Variants in PLS1 observed in about 807,000 individuals in gnomAD.
The protein encoded by PLS1 is plastin-1.
PLS1 carries 32 observed loss-of-function variants against 73.7 expected under a neutral mutation model. The observed-to-expected ratio is 0.43, with a 90% CI of 0.33 to 0.58. PLS1 has a LOEUF of 0.58. PLS1 is among the 20% of genes least tolerant of loss of function. The pLI, the probability that PLS1 is intolerant of heterozygous loss-of-function variation, is 0.04. For missense variants in PLS1, 633 were observed against 740.5 expected, an observed-to-expected ratio of 0.85 and a Z score of 1.68; for synonymous variants, 217 against 261.3, an observed-to-expected ratio of 0.83 and a Z score of 1.63.
At chr3:142,628,347 ACATGTGCATGCAGTGTGCATGTGTGCG>A (rs2036476720) in intron 1 of PLS1, among the ~76,000 whole-genome samples, 3 of 28,506 alleles carry the variant, frequency 1.1e-4, no homozygotes, top group African/African-American at 8.7e-4. Context: ...GTGTGCGCGC[ACATGTGCATGCAGTGTGCATGTGTGCG>A]CGCACATGTG....
chr3:142,624,673 A>G (rs1216521607), intron 1 of PLS1, among the ~76,000 whole-genome samples: 3 of 152,268 alleles, frequency 2.0e-5, no homozygotes, highest in African/African-American at 7.2e-5. Context: ...TAAGTAGAGA[A>G]TTAAGACTTG....
chr3:142,673,679 A>C (rs7641893), intron 4 of PLS1: 1 of 152,476 alleles, frequency 6.6e-6, no homozygotes, highest in Non-Finnish European at 1.5e-5. Flanking sequence ...CTGGCTAGGC[A>C]GGTGTCCCCT....
chr3:142,627,344 G>T (rs903640113), intron 1 of PLS1, among the ~76,000 whole-genome samples: 1 of 152,076 alleles, frequency 6.6e-6, no homozygotes, highest in Non-Finnish European at 1.5e-5. Flanking sequence ...GGAAGTTTCT[G>T]TAAGGAATAA....
chr3:142,632,378 A>G (rs985051466), intron 1 of PLS1, among the ~76,000 whole-genome samples: 2 of 152,200 alleles, frequency 1.3e-5, no homozygotes, highest in African/African-American at 4.8e-5. Context: ...ATAATGACAT[A>G]TCACCTTATG....
In PLS1 at chr3:142,689,663, G is replaced by T. The variant is rs1208828928; in HGVS notation, c.1027G>T (p.Asp343Tyr). 1 of 1,610,778 alleles carries T rather than the reference G, an allele frequency of 6.2e-7. No individual in the cohort carries two copies. Among genetic ancestry groups the T allele is most frequent in the African/African-American group, 1.3e-5 (1 of 74,654 alleles). The change falls in exon 10 of 16, where the codon GAT becomes TAT. Residue 343 changes from aspartate to tyrosine, a missense_variant. By Grantham distance (160) the Asp-to-Tyr change is radical. Coordinates refer to ENST00000457734, the MANE Select transcript of PLS1 (RefSeq NM_001145319.2). ...KRAGLMLQEA[D>Y]KLGCKQFVTP... ...TGCTGGACTCATGCTTCAAGAAGCA[G>T]ATAAACTGGGCTGCAAACAGTTTGT...
At chr3:142,671,234 C>A in intron 4 of PLS1, 112 bp downstream of exon 4, 1 of 922,100 alleles carries the variant, frequency 1.1e-6, no homozygotes, top group Non-Finnish European at 1.7e-6. Context: ...ATTTTATGTG[C>A]CACTGAGGAG....
chr3:142,668,856 C>A (rs570048015), intron 2 of PLS1, among the ~76,000 whole-genome samples: 1 of 152,092 alleles, frequency 6.6e-6, no homozygotes, highest in Non-Finnish European at 1.5e-5. Context: ...CCTACCTCGG[C>A]CTCCCAAAGT....
intron 1 of PLS1, among the ~76,000 whole-genome samples, chr3:142,648,069 T>C (rs2108629956): frequency 6.6e-6 from 1 of 152,314 alleles, no homozygotes; most frequent in East Asian, 1.9e-4. Context: ...TTGAGTCAGG[T>C]CTGTGTGTGA....
At chr3:142,684,581 G>T (rs1014571722) in intron 8 of PLS1, among the ~76,000 whole-genome samples, 186 bp downstream of exon 8, 5 of 152,168 alleles carry the variant, frequency 3.3e-5, no homozygotes, top group African/African-American at 1.2e-4. Flanking sequence ...CTAAAAACCA[G>T]ATATATTGGC....
chr3:142,632,207 A>C (rs2036580322), intron 1 of PLS1, among the ~76,000 whole-genome samples: 1 of 152,188 alleles, frequency 6.6e-6, no homozygotes, highest in Admixed American at 6.5e-5. Flanking sequence ...CACATTCAGT[A>C]CACTCCTCCA....
At chr3:142,618,889 G>C (rs1392985153) in intron 1 of PLS1, among the ~76,000 whole-genome samples, 1 of 152,048 alleles carries the variant, frequency 6.6e-6, no homozygotes, top group African/African-American at 2.4e-5. Flanking sequence ...GCAAAAATCT[G>C]TTTTGCCATG....
At chr3:142,678,759 A>G (rs1167035730) in intron 6 of PLS1, among the ~76,000 whole-genome samples, 1 of 151,662 alleles carries the variant, frequency 6.6e-6, no homozygotes, top group East Asian at 1.9e-4. Context: ...TTATAGCAGC[A>G]TGATTTATAG....
At chr3:142,651,462 CAAAAAAAAA>C (rs57909380) in intron 1 of PLS1, among the ~76,000 whole-genome samples, 1 of 102,288 alleles carries the variant, frequency 9.8e-6, no homozygotes, top group Non-Finnish European at 1.9e-5. Context: ...AACTCTGTCT[CAAAAAAAAA>C]AAAAAAAAAA....
chr3:142,656,430 T>C (rs1308897664), intron 1 of PLS1: 1 of 152,210 alleles, frequency 6.6e-6, no homozygotes, highest in Non-Finnish European at 1.5e-5. Flanking sequence ...TTATGTAGAG[T>C]AGGAGACTAA....
At chr3:142,626,893 C>G (rs1022942848) in intron 1 of PLS1, among the ~76,000 whole-genome samples, 1 of 152,172 alleles carries the variant, frequency 6.6e-6, no homozygotes, top group Non-Finnish European at 1.5e-5. Context: ...TAGAACATCA[C>G]AAATGCTGGA....
At chr3:142,614,344 G>C (rs1022275365) in intron 1 of PLS1, among the ~76,000 whole-genome samples, 2 of 150,788 alleles carry the variant, frequency 1.3e-5, no homozygotes, top group African/African-American at 2.4e-5. Flanking sequence ...TGTGTAGAAG[G>C]GGGTGGTCAT....
chr3:142,711,819 G>T (rs1933141956), intron 15 of PLS1, 53 bp from the exon 16 acceptor site: 1 of 1,566,902 alleles, frequency 6.4e-7, no homozygotes, highest in Non-Finnish European at 8.7e-7. Flanking sequence ...GTTAAAATAT[G>T]TTAAGTGAAA....
chr3:142,641,450 C>A (rs1293211630), intron 1 of PLS1, among the ~76,000 whole-genome samples: 3 of 150,906 alleles, frequency 2.0e-5, no homozygotes, highest in Admixed American at 6.6e-5. Context: ...ATATATATAT[C>A]CTGTTCTTTT....
chr3:142,602,529 C>T (rs1242383743), intron 1 of PLS1, among the ~76,000 whole-genome samples: 2 of 152,094 alleles, frequency 1.3e-5, no homozygotes, highest in East Asian at 3.8e-4. Flanking sequence ...TGTGAAGTCC[C>T]TGTGGACTAA....
Sources: allele counts gnomAD v4.1 joint callset (sites outside exome capture counted in the v4.1 genomes callset), GRCh38; gene constraint gnomAD v4.1.1; transcripts MANE v1.5; gene names NCBI Gene and HGNC (gene_info 2026-07-23, HGNC 2026-07-21).